Variants in SYNE1 observed in about 807,000 individuals in gnomAD.
The protein encoded by SYNE1 is spectrin repeat containing nuclear envelope protein 1.
A neutral mutation model predicts 1,111.0 loss-of-function variants in SYNE1; 616 were observed. The observed-to-expected ratio is 0.55, with a 90% CI of 0.52 to 0.59. The LOEUF (loss-of-function observed/expected upper bound fraction) is 0.59. SYNE1 is among the 20% of genes least tolerant of loss of function. The pLI, the probability that SYNE1 is intolerant of heterozygous loss-of-function variation, is 0.00. For synonymous variants in SYNE1, 3,855 were observed against 3,825.8 expected, an observed-to-expected ratio of 1.01 and a Z score of -0.28; for missense variants, 10,006 against 10,417.0, an observed-to-expected ratio of 0.96 and a Z score of 1.72.
Position 152,281,995 on chromosome 6 carries a change from A to G in SYNE1, c.18208-15T>C. On this transcript the variant is annotated splice_polypyrimidine_tract_variant and intron_variant, in intron 96 of 145. Coordinates refer to ENST00000367255, the MANE Select transcript of SYNE1 (RefSeq NM_182961.4). ...TTCAACTTCTCCTGTTGAATTCAGT[A>G]GAAGGTAATATAGATCACGCTAAGG... The G allele has an allele frequency of 6.2e-7, 1 of 1,612,880 alleles. No individual in the cohort carries two copies. Among genetic ancestry groups the G allele is most frequent in the Non-Finnish European group, 8.5e-7 (1 of 1,179,738 alleles).
rs940982450 is a variant in SYNE1, at chr6:152,472,152, T to C, written c.1463+149A>G. The C allele has an allele frequency of 8.9e-6, 6 of 672,580 alleles. No homozygotes were observed. In the African/African-American group the frequency reaches 1.1e-4, roughly 12 times the overall value. 41.7% of individuals were successfully genotyped at this position (672,580 alleles called of 1,614,324 possible). ...TAATAATACATTAGAATGGTGGCAT[T>C]CTTAGCATGTCTTATGGGAGCCCGC... On this transcript the variant is annotated intron_variant, in intron 15 of 145. Coordinates refer to ENST00000367255, the MANE Select transcript of SYNE1 (RefSeq NM_182961.4).
chr6:152,350,822 G>A (rs1394785940), intron 70 of SYNE1, 52 bp from the exon 71 acceptor site: 1 of 1,604,026 alleles, frequency 6.2e-7, no homozygotes, highest in South Asian at 1.1e-5. Flanking sequence ...TGGACAAGAT[G>A]AATACATACA....
intron 16 of SYNE1, among the ~76,000 whole-genome samples, chr6:152,467,877 T>C (rs1172688626): frequency 1.3e-5 from 2 of 152,196 alleles, no homozygotes; most frequent in African/African-American, 4.8e-5. Flanking sequence ...TTTAGCAATA[T>C]GGATTATTTT....
At chr6:152,545,498 T>C (rs2099307165) in intron 3 of SYNE1, among the ~76,000 whole-genome samples, 6 of 152,134 alleles carry the variant, frequency 3.9e-5, no homozygotes. Context: ...GAGAATCACT[T>C]GAACCTGGGA....
chr6:152,188,906 C>T (rs1403239897), intron 128 of SYNE1, among the ~76,000 whole-genome samples: 10 of 130,132 alleles, frequency 7.7e-5, no homozygotes, highest in South Asian at 2.5e-4. Flanking sequence ...TGCAGTGAGC[C>T]GAGATTGTGC....
chr6:152,212,167 T>G (rs1220709013), intron 123 of SYNE1, among the ~76,000 whole-genome samples: 1 of 152,198 alleles, frequency 6.6e-6, no homozygotes, highest in Non-Finnish European at 1.5e-5. Flanking sequence ...TTTAAAATGT[T>G]CAATTTAGTG....
At chr6:152,199,835 G>A (rs2075030256) in intron 127 of SYNE1, among the ~76,000 whole-genome samples, 1 of 152,222 alleles carries the variant, frequency 6.6e-6, no homozygotes, top group Admixed American at 6.5e-5. Context: ...GTTTGGGGAA[G>A]AGTAGCAGGA....
chr6:152,264,595 G>C (rs1001849657), intron 100 of SYNE1, among the ~76,000 whole-genome samples: 4 of 151,772 alleles, frequency 2.6e-5, no homozygotes, highest in African/African-American at 9.7e-5. Context: ...CCAGGAGTTT[G>C]AGCCCAGCCT....
intron 3 of SYNE1, among the ~76,000 whole-genome samples, chr6:152,567,260 A>G (rs1228901185): frequency 6.6e-6 from 1 of 152,174 alleles, no homozygotes; most frequent in Non-Finnish European, 1.5e-5. Flanking sequence ...TCCATTATAT[A>G]TATGCCACAA....
rs770058738 is a variant in SYNE1 at position 152,151,942 on chromosome 6, TGAG to T, written c.24312+14_24312+16del. The T allele has an allele frequency of 4.3e-6, 7 of 1,613,550 alleles. No homozygotes were observed. The African/African-American group carries it at 9.3e-5, about 22-fold the overall frequency. On this transcript the variant is annotated intron_variant, in intron 134 of 145. Coordinates refer to ENST00000367255, the MANE Select transcript of SYNE1 (RefSeq NM_182961.4). ...CATCCTCTGGCCTCTAAATTACAGA[TGAG>T]GCATAGCAAAAACCTTGAGTCTGCG...
At chr6:152,610,213 G>A (rs2099627388) in intron 3 of SYNE1, among the ~76,000 whole-genome samples, 1 of 152,172 alleles carries the variant, frequency 6.6e-6, no homozygotes, top group South Asian at 2.1e-4. Flanking sequence ...AAAGGAGCAT[G>A]TTCAAACCCA....
intron 86 of SYNE1, 112 bp downstream of exon 86, chr6:152,317,965 ACTCT>A: frequency 7.7e-7 from 1 of 1,303,904 alleles, no homozygotes; most frequent in African/African-American, 1.5e-5. Flanking sequence ...CACCTAAACT[ACTCT>A]CTCATTGTCC....
At chr6:152,305,694 C>A (rs1276934051) in intron 91 of SYNE1, among the ~76,000 whole-genome samples, 2 of 152,208 alleles carry the variant, frequency 1.3e-5, no homozygotes, top group African/African-American at 4.8e-5. Flanking sequence ...AAAATACAGG[C>A]AGAAACCCTC....
chr6:152,316,894 T>C lies in SYNE1; in HGVS notation c.16665A>G (p.Ala5555=), dbSNP rs1042078718. 2 of 1,614,188 alleles carry C rather than the reference T, an allele frequency of 1.2e-6. No homozygotes were observed. Among genetic ancestry groups the C allele is most frequent in the African/African-American group, 1.3e-5 (1 of 75,066 alleles). Residue 5555 remains alanine, a synonymous_variant, in exon 87 of 146, where the codon GCA becomes GCG. Transcript: ENST00000367255. ...KAKVLAHGTI[A]WNSASQLREQ... Reference sequence around the variant, plus strand: ...CCCGAAGCTGGCTTGCAGAATTCCATGCAATAGTTCCATGAGCCAAGACTT... The same window carrying C: ...CCCGAAGCTGGCTTGCAGAATTCCACGCAATAGTTCCATGAGCCAAGACTT...
At chr6:152,183,380 G>T (rs1338265175) in intron 128 of SYNE1, among the ~76,000 whole-genome samples, 1 of 152,120 alleles carries the variant, frequency 6.6e-6, no homozygotes, top group Non-Finnish European at 1.5e-5. Flanking sequence ...ACTTTGGGAG[G>T]CCGAGGTGGG....
chr6:152,401,671 C>T (rs1172144261), intron 46 of SYNE1, among the ~76,000 whole-genome samples: 2 of 152,216 alleles, frequency 1.3e-5, no homozygotes, highest in Non-Finnish European at 2.9e-5. Flanking sequence ...GACCAAAAAT[C>T]TGCTCTTGAT....
At chr6:152,552,986 T>C (rs2099352798) in intron 3 of SYNE1, among the ~76,000 whole-genome samples, 1 of 152,202 alleles carries the variant, frequency 6.6e-6, no homozygotes. Flanking sequence ...CGTATAGTAA[T>C]GAATAATTTT....
At chr6:152,499,434 C>T (rs142671607) in intron 10 of SYNE1, among the ~76,000 whole-genome samples, 77 of 151,948 alleles carry the variant, frequency 5.1e-4, no homozygotes, top group East Asian at 1.5e-3. Flanking sequence ...CGATAAAATA[C>T]TTAATTCAAA....
intron 5 of SYNE1, among the ~76,000 whole-genome samples, chr6:152,524,853 A>C (rs894137700): frequency 1.3e-5 from 2 of 152,202 alleles, no homozygotes; most frequent in Admixed American, 6.5e-5. Flanking sequence ...CACCTGTCTC[A>C]GAATTACCCT....
Sources: gnomAD v4.1 joint callset for allele counts (sites outside exome capture counted in the v4.1 genomes callset) on GRCh38, gnomAD v4.1.1 for gene constraint, MANE v1.5 for transcripts, NCBI Gene and HGNC (gene_info 2026-07-23, HGNC 2026-07-21) for gene names.